The following CDH2 variants were observed in gnomAD, a reference collection of about 807,000 sequenced individuals.
CDH2 encodes the protein cadherin 2.
A neutral mutation model predicts 92.0 loss-of-function variants in CDH2; 17 were observed. That is an observed-to-expected ratio of 0.18 (90% CI 0.13 to 0.28). The LOEUF (loss-of-function observed/expected upper bound fraction) is 0.28. CDH2 is among the 10% of genes least tolerant of loss of function. CDH2 has a pLI of 1.00. For missense variants in CDH2, 862 were observed against 1,133.1 expected, an observed-to-expected ratio of 0.76 and a Z score of 3.44; for synonymous variants, 419 against 415.9, an observed-to-expected ratio of 1.01 and a Z score of -0.09.
intron 2 of CDH2, among the ~76,000 whole-genome samples, chr18:28,027,296 CTTG>C (rs2013579361): frequency 6.6e-6 from 1 of 151,880 alleles, no homozygotes; most frequent in Admixed American, 6.6e-5. Flanking sequence ...CAGAATCAAA[CTTG>C]TTGTAGGTTA....
At chr18:28,016,267 C>T (rs1292816994) in intron 2 of CDH2, among the ~76,000 whole-genome samples, 1 of 152,188 alleles carries the variant, frequency 6.6e-6, no homozygotes, top group Non-Finnish European at 1.5e-5. Context: ...ACTTTGGCTT[C>T]ATGAGAGTTA....
chr18:27,952,148 G>A lies in CDH2; in HGVS notation c.*5C>T, dbSNP rs989076290. 1.2e-6 allele frequency: 2 copies of A among 1,611,968 alleles called. No homozygotes were observed. Among genetic ancestry groups the A allele is most frequent in the African/African-American group, 1.3e-5 (1 of 74,934 alleles). The stretch of plus-strand genomic sequence containing the variant: ...CTTGTCCAAAAACCAAGTTCACCCT[G>A]AAGTTCAGTCATCACCTCCACCATA... On this transcript the variant is annotated 3_prime_UTR_variant, in exon 16 of 16. Coordinates refer to ENST00000269141, the MANE Select transcript of CDH2 (RefSeq NM_001792.5).
chr18:27,933,656 G>C (rs1908955357), intron 6 of CDH2, among the ~76,000 whole-genome samples: 1 of 152,160 alleles, frequency 6.6e-6, no homozygotes, highest in Admixed American at 6.6e-5. Flanking sequence ...CTTTTACTTT[G>C]AGAGATTAAA....
At chr18:27,963,111 T>C (rs1305462328) in intron 15 of CDH2, among the ~76,000 whole-genome samples, 1 of 152,216 alleles carries the variant, frequency 6.6e-6, no homozygotes, top group Non-Finnish European at 1.5e-5. Context: ...CTAATTCTGA[T>C]AATATATGAT....
intron 2 of CDH2, among the ~76,000 whole-genome samples, chr18:28,127,606 G>A (rs1006491940): frequency 6.6e-6 from 1 of 152,086 alleles, no homozygotes; most frequent in Non-Finnish European, 1.5e-5. Context: ...CACCAAGGCT[G>A]ATTACAATAT....
intron 14 of CDH2, chr18:27,963,759 G>C (rs2011469292): frequency 2.1e-6 from 1 of 466,554 alleles, no homozygotes. Flanking sequence ...TTCCTCATCA[G>C]TTTCCAATGA....
Position 27,985,648 on chromosome 18 carries a change from T to C in CDH2, c.1855A>G (p.Asn619Asp). ...EAETCETPDP[N>D]SINITALDYD... Reference sequence around the variant, plus strand: ...TCAAGTGCTGTAATATTAATTGAATTGGGGTCTGGAGTTTCGCAAGTCTCT... The same window carrying C: ...TCAAGTGCTGTAATATTAATTGAATCGGGGTCTGGAGTTTCGCAAGTCTCT... The change falls in exon 12 of 16, where the codon AAT (asparagine) becomes GAT (aspartate). Residue 619 changes from asparagine to aspartate, a missense_variant. Coordinates refer to ENST00000269141, the MANE Select transcript of CDH2 (RefSeq NM_001792.5). 6.2e-7 allele frequency: 1 copy of C among 1,613,890 alleles called. No homozygotes were observed. The highest frequency in any genetic ancestry group is 8.5e-7 in the Non-Finnish European group (1 of 1,179,764).
intron 2 of CDH2, among the ~76,000 whole-genome samples, chr18:28,131,121 A>G (rs1461187348): frequency 6.6e-6 from 1 of 152,212 alleles, no homozygotes; most frequent in Admixed American, 6.5e-5. Flanking sequence ...AAAATAACTT[A>G]CACCAAAAAG....
intron 7 of CDH2, among the ~76,000 whole-genome samples, chr18:28,000,522 C>T (rs559175619): frequency 5.9e-5 from 9 of 152,254 alleles, no homozygotes; most frequent in African/African-American, 1.9e-4. Flanking sequence ...GAAAGTCAAA[C>T]AGCCCATACT....
intron 2 of CDH2, chr18:28,097,259 A>G (rs2015150805): frequency 6.6e-6 from 1 of 152,186 alleles, no homozygotes; most frequent in African/African-American, 2.4e-5. Flanking sequence ...TCAAAGCTAG[A>G]AAAAAGAGAC....
chr18:28,160,373 C>T (rs535053610), intron 1 of CDH2, among the ~76,000 whole-genome samples: 9 of 152,136 alleles, frequency 5.9e-5, no homozygotes, highest in African/African-American at 2.2e-4. Context: ...CTTGAACGTG[C>T]TGAGGGGCAT....
At chr18:28,039,610 A>T (rs1320882587) in intron 2 of CDH2, among the ~76,000 whole-genome samples, 1 of 152,154 alleles carries the variant, frequency 6.6e-6, no homozygotes, top group African/African-American at 2.4e-5. Context: ...TTTCTAGCTC[A>T]CACTTACTTT....
At chr18:28,034,013 A>T (rs1046511922) in intron 2 of CDH2, among the ~76,000 whole-genome samples, 1 of 152,226 alleles carries the variant, frequency 6.6e-6, no homozygotes, top group Non-Finnish European at 1.5e-5. Context: ...GATATACTAT[A>T]CTTTTCTTTA....
At chr18:28,073,418 TG>T (rs2014658520) in intron 2 of CDH2, among the ~76,000 whole-genome samples, 1 of 151,850 alleles carries the variant, frequency 6.6e-6, no homozygotes. Context: ...ATCTCTTAGT[TG>T]ATTGTTTTTT....
At chr18:28,109,439 G>A (rs1305579638) in intron 2 of CDH2, among the ~76,000 whole-genome samples, 6 of 152,072 alleles carry the variant, frequency 3.9e-5, no homozygotes, top group East Asian at 1.9e-4. Flanking sequence ...CAGTTCATGC[G>A]GTAGTTAAAG....
chr18:28,149,539 G>C (rs1432946940), intron 1 of CDH2, among the ~76,000 whole-genome samples: 3 of 152,172 alleles, frequency 2.0e-5, no homozygotes, highest in African/African-American at 7.2e-5. Flanking sequence ...AAGGCACACT[G>C]CAGTATGAAA....
At chr18:28,088,221 T>C (rs2014971762) in intron 2 of CDH2, among the ~76,000 whole-genome samples, 1 of 152,192 alleles carries the variant, frequency 6.6e-6, no homozygotes. Context: ...TATAATTTCT[T>C]TTTCTACTTT....
intron 1 of CDH2, among the ~76,000 whole-genome samples, chr18:28,156,916 G>C (rs187872007): frequency 1.9e-4 from 29 of 152,256 alleles, no homozygotes; most frequent in African/African-American, 5.5e-4. Context: ...CATCCATATA[G>C]ACCTCTGTGC....
chr18:28,015,227 T>C (rs150334795), intron 2 of CDH2, among the ~76,000 whole-genome samples: 2 of 152,168 alleles, frequency 1.3e-5, no homozygotes, highest in Non-Finnish European at 2.9e-5. Flanking sequence ...TTAGTAACCA[T>C]AAAATCCTTG....
Sources: allele counts gnomAD v4.1 joint callset (sites outside exome capture counted in the v4.1 genomes callset), GRCh38; gene constraint gnomAD v4.1.1; transcripts MANE v1.5; gene names NCBI Gene and HGNC (gene_info 2026-07-23, HGNC 2026-07-21).